MAN1A1: variants seen among roughly 807,000 people sequenced by gnomAD.
MAN1A1 encodes mannosidase alpha class 1A member 1, also known as mannosyl-oligosaccharide 1,2-alpha-mannosidase IA.
Under a neutral mutation model 70.8 loss-of-function variants are expected in MAN1A1, and 29 were observed. The ratio of observed to expected loss-of-function variants is 0.41; its 90% CI spans 0.31 to 0.56. The LOEUF (loss-of-function observed/expected upper bound fraction) is 0.56. Ranked by LOEUF, MAN1A1 falls within the 20% of genes least tolerant of loss-of-function variation. MAN1A1 has a pLI of 0.29. For missense variants in MAN1A1, 747 were observed against 841.3 expected, an observed-to-expected ratio of 0.89 and a Z score of 1.39; for synonymous variants, 349 against 330.1, an observed-to-expected ratio of 1.06 and a Z score of -0.62.
intron 2 of MAN1A1, among the ~76,000 whole-genome samples, chr6:119,345,205 C>A (rs113074960): frequency 2.4e-5 from 3 of 126,258 alleles, no homozygotes; most frequent in Admixed American, 8.3e-5. Context: ...GGGGGCGGAG[C>A]GGGGGAGAAG....
intron 6 of MAN1A1, among the ~76,000 whole-genome samples, chr6:119,211,548 T>A (rs1356023404): frequency 6.6e-6 from 1 of 152,240 alleles, no homozygotes; most frequent in African/African-American, 2.4e-5. Context: ...TACATCTAGA[T>A]AATCTAATCC....
chr6:119,270,493 C>T (rs1367457487), intron 5 of MAN1A1, among the ~76,000 whole-genome samples: 1 of 152,112 alleles, frequency 6.6e-6, no homozygotes, highest in African/African-American at 2.4e-5. Flanking sequence ...AAAAGAAGTG[C>T]TGTGTGCATC....
intron 3 of MAN1A1, 53 bp from the exon 4 acceptor site, chr6:119,302,156 T>C (rs950928912): frequency 3.6e-6 from 3 of 844,450 alleles, no homozygotes; most frequent in East Asian, 5.1e-5. Context: ...ATAAAATATA[T>C]GTAAATTGAC....
At chr6:119,302,884 C>A (rs1456353563) in intron 3 of MAN1A1, among the ~76,000 whole-genome samples, 1 of 152,090 alleles carries the variant, frequency 6.6e-6, no homozygotes, top group Non-Finnish European at 1.5e-5. Flanking sequence ...TGCTAACTAC[C>A]CTCCATCCCC....
intron 2 of MAN1A1, among the ~76,000 whole-genome samples, chr6:119,312,516 A>T (rs916880487): frequency 3.9e-4 from 59 of 152,232 alleles, no homozygotes; most frequent in African/African-American, 1.3e-3. Context: ...TCAAGAAAAG[A>T]CGGCAATCTA....
intron 5 of MAN1A1, among the ~76,000 whole-genome samples, chr6:119,278,214 T>A (rs1776131002): frequency 6.6e-6 from 1 of 152,010 alleles, no homozygotes; most frequent in African/African-American, 2.4e-5. Context: ...ACAATCAAAC[T>A]GTCTACATTT....
chr6:119,284,171 A>C (rs1452746947), intron 5 of MAN1A1, among the ~76,000 whole-genome samples: 1 of 152,196 alleles, frequency 6.6e-6, no homozygotes, highest in Non-Finnish European at 1.5e-5. Flanking sequence ...GCAGTGTCTG[A>C]CATATAGTTG....
chr6:119,301,771 T>C (rs1306984632), intron 4 of MAN1A1, among the ~76,000 whole-genome samples: 1 of 152,226 alleles, frequency 6.6e-6, no homozygotes, highest in African/African-American at 2.4e-5. Context: ...AAATACTAAC[T>C]TCTTTTCTCT....
At chr6:119,191,293 T>G (rs891829735) in intron 9 of MAN1A1, among the ~76,000 whole-genome samples, 1 of 152,222 alleles carries the variant, frequency 6.6e-6, no homozygotes, top group Non-Finnish European at 1.5e-5. Flanking sequence ...GAAATTATTC[T>G]TTCTACATGG....
At chr6:119,316,936 T>A (rs936384493) in intron 2 of MAN1A1, among the ~76,000 whole-genome samples, 33 of 150,760 alleles carry the variant, frequency 2.2e-4, no homozygotes, top group Middle Eastern at 3.4e-3. Context: ...ATTACATTTT[T>A]TTATTATTAT....
intron 2 of MAN1A1, among the ~76,000 whole-genome samples, chr6:119,337,233 G>C (rs1582815338): frequency 6.6e-6 from 1 of 151,746 alleles, no homozygotes. Context: ...TTATTCACTA[G>C]GTCTGATTCT....
At chr6:119,213,367 G>A (rs1021995218) in intron 6 of MAN1A1, among the ~76,000 whole-genome samples, 1 of 152,022 alleles carries the variant, frequency 6.6e-6, no homozygotes. Context: ...GTTGGATGCT[G>A]TGTTATGAAA....
intron 2 of MAN1A1, among the ~76,000 whole-genome samples, chr6:119,328,551 G>T (rs1773219920): frequency 6.6e-6 from 1 of 152,144 alleles, no homozygotes; most frequent in Non-Finnish European, 1.5e-5. Flanking sequence ...TAAAAACAGA[G>T]AAAAATAATT....
At chr6:119,184,944 A>G (rs1014591762) in intron 11 of MAN1A1, among the ~76,000 whole-genome samples, 2 of 152,056 alleles carry the variant, frequency 1.3e-5, no homozygotes, top group Admixed American at 6.6e-5. Context: ...GCTGGCGTGC[A>G]GCGGTGTGAT....
chr6:119,218,156 G>C (rs554904247), intron 6 of MAN1A1, among the ~76,000 whole-genome samples: 7 of 152,178 alleles, frequency 4.6e-5, no homozygotes, highest in Admixed American at 1.3e-4. Context: ...CCTATGTTTT[G>C]TAATTTTTTT....
intron 2 of MAN1A1, among the ~76,000 whole-genome samples, chr6:119,340,845 G>GA (rs1330831673): frequency 1.3e-5 from 2 of 152,174 alleles, no homozygotes; most frequent in African/African-American, 4.8e-5. Flanking sequence ...TGTTCTGAGT[G>GA]TCACTTGAAT....
At position 119,307,893 on chromosome 6, in the gene MAN1A1, A is replaced by G. The variant is rs60944461; in HGVS notation, c.604-901T>C. Among the ~76,000 whole-genome samples, 892 of 152,280 alleles carry G rather than the reference A, an allele frequency of 5.9e-3. 29 individuals are homozygous for G. The East Asian group carries it at 0.09, about 15-fold the overall frequency. On this transcript the variant is annotated intron_variant, in intron 2 of 12. Coordinates refer to ENST00000368468, the MANE Select transcript of MAN1A1 (RefSeq NM_005907.4). ...AAGTTATAGATATTATTTACGGGCC[A>G]TTTACCACTCAAAATCTTCATTGAG...
intron 8 of MAN1A1, among the ~76,000 whole-genome samples, chr6:119,200,897 C>G (rs997816690): frequency 1.3e-5 from 2 of 152,138 alleles, no homozygotes; most frequent in South Asian, 4.1e-4. Flanking sequence ...AATGGTCTAC[C>G]TACTCTCTAT....
At chr6:119,194,007 A>G in intron 8 of MAN1A1, 115 bp from the exon 9 acceptor site, 3 of 601,028 alleles carry the variant, frequency 5.0e-6, no homozygotes, top group South Asian at 2.1e-5. Context: ...TCACTGTTAC[A>G]TTTAAATTCC....
Sources: gnomAD v4.1 joint callset for allele counts (sites outside exome capture counted in the v4.1 genomes callset) on GRCh38, gnomAD v4.1.1 for gene constraint, MANE v1.5 for transcripts, NCBI Gene and HGNC (gene_info 2026-07-23, HGNC 2026-07-21) for gene names.